LRRC63: variants seen among roughly 807,000 people sequenced by gnomAD.
The protein encoded by LRRC63 is leucine-rich repeat-containing protein 63.
In LRRC63, 40 loss-of-function variants were observed where a neutral mutation model predicts 49.5. The ratio of observed to expected loss-of-function variants is 0.81; its 90% CI spans 0.63 to 1.05. The LOEUF is 1.05. Ranked by LOEUF, LRRC63 falls within the 50% of genes least tolerant of loss-of-function variation. LRRC63 has a pLI of 0.00. For synonymous variants in LRRC63, 191 were observed against 221.1 expected, an observed-to-expected ratio of 0.86 and a Z score of 1.21; for missense variants, 636 against 663.1, an observed-to-expected ratio of 0.96 and a Z score of 0.45.
chr13:46,216,850 A>G (rs940479906), intron 2 of LRRC63, among the ~76,000 whole-genome samples: 15 of 152,130 alleles, frequency 9.9e-5, no homozygotes, highest in African/African-American at 3.4e-4. Context: ...TTCTGCATCT[A>G]TTGAGATAAT....
intron 8 of LRRC63, among the ~76,000 whole-genome samples, chr13:46,265,791 G>A (rs1483581537): frequency 6.6e-6 from 1 of 152,212 alleles, no homozygotes. Context: ...CAGGACTGTG[G>A]CAGAGACTGG....
intron 2 of LRRC63, among the ~76,000 whole-genome samples, chr13:46,218,796 G>A (rs1350343598): frequency 5.3e-5 from 8 of 152,100 alleles, no homozygotes; most frequent in Admixed American, 5.2e-4. Context: ...AGGCAGGCCT[G>A]GTGGTGACAA....
At chr13:46,236,627 G>A (rs2046912501) in intron 5 of LRRC63, among the ~76,000 whole-genome samples, 1 of 152,100 alleles carries the variant, frequency 6.6e-6, no homozygotes, top group Non-Finnish European at 1.5e-5. Context: ...ATAAGCAAAA[G>A]CTGAGGGCAT....
chr13:46,215,047 A>G (rs1403032547), intron 2 of LRRC63, among the ~76,000 whole-genome samples: 2 of 152,186 alleles, frequency 1.3e-5, no homozygotes, highest in East Asian at 3.8e-4. Context: ...TGTATTTGCT[A>G]TTGTGAACAG....
intron 5 of LRRC63, among the ~76,000 whole-genome samples, chr13:46,242,788 A>G (rs1178689035): frequency 1.3e-5 from 2 of 151,884 alleles, no homozygotes; most frequent in Non-Finnish European, 2.9e-5. Context: ...AAACCTCTCA[A>G]CTGAGACTAC....
chr13:46,257,152 A>G (rs2047525334), intron 7 of LRRC63, among the ~76,000 whole-genome samples: 1 of 152,212 alleles, frequency 6.6e-6, no homozygotes, highest in Non-Finnish European at 1.5e-5. Flanking sequence ...GAAGGGAGCC[A>G]TGAGTCAAGG....
chr13:46,215,442 C>T (rs1274300633), intron 2 of LRRC63, among the ~76,000 whole-genome samples: 4 of 144,186 alleles, frequency 2.8e-5, no homozygotes, highest in African/African-American at 8.1e-5. Flanking sequence ...TATCCTTCAC[C>T]CACTTTTTGA....
intron 6 of LRRC63, 26 bp downstream of exon 6, chr13:46,246,651 C>G (rs1244922116): frequency 4.0e-6 from 4 of 1,010,626 alleles, no homozygotes; most frequent in Middle Eastern, 2.5e-4. Flanking sequence ...TTGTTATGTA[C>G]TGATATAACT....
chr13:46,223,682 C>T (rs536265398), intron 2 of LRRC63, among the ~76,000 whole-genome samples: 46 of 151,826 alleles, frequency 3.0e-4, no homozygotes, highest in Non-Finnish European at 4.1e-4. Flanking sequence ...GGTGAAACCC[C>T]GTCTCTACTA....
intron 9 of LRRC63, among the ~76,000 whole-genome samples, chr13:46,274,503 G>A (rs776325556): frequency 4.6e-5 from 7 of 152,190 alleles, no homozygotes; most frequent in African/African-American, 7.2e-5. Context: ...TCCAATGGCT[G>A]CCCTGTCAAT....
chr13:46,266,311 A>G (rs751058475), intron 8 of LRRC63, among the ~76,000 whole-genome samples: 11 of 152,242 alleles, frequency 7.2e-5, no homozygotes, highest in Non-Finnish European at 1.2e-4. Flanking sequence ...ACAAAATAGC[A>G]CATAATATGT....
intron 9 of LRRC63, chr13:46,270,080 G>A: frequency 1.7e-6 from 1 of 595,820 alleles, no homozygotes; most frequent in South Asian, 1.9e-5. Context: ...GGTCACCATG[G>A]CTACCGAGCG....
intron 4 of LRRC63, among the ~76,000 whole-genome samples, chr13:46,229,973 C>T (rs548376151): frequency 3.3e-5 from 5 of 152,078 alleles, no homozygotes; most frequent in East Asian, 3.9e-4. Flanking sequence ...GAGTGGTGTG[C>T]GGTACAGGTG....
chr13:46,218,495 CTT>C (rs1467353692), intron 2 of LRRC63, among the ~76,000 whole-genome samples: 1 of 151,764 alleles, frequency 6.6e-6, no homozygotes, highest in African/African-American at 2.4e-5. Context: ...CTATGTGTGT[CTT>C]TGCACGTGAG....
intron 7 of LRRC63, among the ~76,000 whole-genome samples, chr13:46,251,983 TTA>T (rs1247931660): frequency 6.6e-6 from 1 of 151,910 alleles, no homozygotes; most frequent in Non-Finnish European, 1.5e-5. Context: ...TTAAAAACTA[TTA>T]GTGTTTCTGA....
At chr13:46,228,210 G>A in intron 3 of LRRC63, 21 bp downstream of exon 3, 1 of 1,497,644 alleles carries the variant, frequency 6.7e-7, no homozygotes, top group Non-Finnish European at 9.0e-7. Flanking sequence ...TCTGAACACG[G>A]TATAATTATA....
intron 2 of LRRC63, among the ~76,000 whole-genome samples, chr13:46,222,784 C>A (rs2046445163): frequency 6.6e-6 from 1 of 151,676 alleles, no homozygotes. Flanking sequence ...AGGCACTATT[C>A]ACAATAGCAA....
chr13:46,269,262 T>TA (rs1004607580), intron 9 of LRRC63, among the ~76,000 whole-genome samples: 1 of 150,092 alleles, frequency 6.7e-6, no homozygotes, highest in Non-Finnish European at 1.5e-5. Context: ...CATCAAGACT[T>TA]ACTATACAAA....
rs557579705 is a variant in LRRC63 at position 46,228,260 on chromosome 13, A to G, written c.763+71A>G. ...AAAGGGGAGAGAAGGCATGCAAGCT[A>G]ATGGTACCCCTCCCGCTTTGGGTTT... On this transcript the variant is annotated intron_variant, in intron 3 of 9. Transcript: ENST00000595396. The G allele has an allele frequency of 1.0e-5, 12 of 1,177,436 alleles. No individual in the cohort carries two copies. In the African/African-American group the frequency reaches 1.4e-4, roughly 14 times the overall value. The allele number at this position is 1,177,436 out of a possible 1,614,324, so 72.9% of individuals were successfully genotyped here. A position where few individuals can be genotyped will look rare whatever the true frequency, so the allele number is the denominator to read the frequency against.
Sources: allele counts gnomAD v4.1 joint callset (sites outside exome capture counted in the v4.1 genomes callset), GRCh38; gene constraint gnomAD v4.1.1; transcripts MANE v1.5; gene names NCBI Gene and HGNC (gene_info 2026-07-23, HGNC 2026-07-21).